Variants in FAM135A observed in about 807,000 individuals in gnomAD.
FAM135A encodes family with sequence similarity 135 member A.
Under a neutral mutation model 146.8 loss-of-function variants are expected in FAM135A, and 79 were observed. The observed-to-expected ratio is 0.54, with a 90% CI of 0.45 to 0.65. The LOEUF (loss-of-function observed/expected upper bound fraction) is 0.65, where lower values mean the gene tolerates loss of function less well. FAM135A is among the 30% of genes least tolerant of loss of function. FAM135A has a pLI of 0.00. For missense variants in FAM135A, 1,623 were observed against 1,758.2 expected, an observed-to-expected ratio of 0.92 and a Z score of 1.38; for synonymous variants, 562 against 603.6, an observed-to-expected ratio of 0.93 and a Z score of 1.01.
At chr6:70,460,703 TGA>T (rs1393326452) in intron 5 of FAM135A, among the ~76,000 whole-genome samples, 1 of 152,078 alleles carries the variant, frequency 6.6e-6, no homozygotes, top group Non-Finnish European at 1.5e-5. Flanking sequence ...AAACCATTTA[TGA>T]GATGGGAAAC....
rs1239635917 is a variant in FAM135A at position 70,524,489 on chromosome 6, T to C, written c.1405T>C (p.Tyr469His). 4 of 1,551,258 alleles carry C rather than the reference T, an allele frequency of 2.6e-6. No individual in the cohort carries two copies. The highest frequency in any genetic ancestry group is 3.5e-6 in the Non-Finnish European group (4 of 1,146,784). Residue 469 changes from tyrosine to histidine, a missense_variant, in exon 15 of 22, where the codon TAT (tyrosine) becomes CAT (histidine). Around this residue, in one of 7 missense-constraint regions of FAM135A, gnomAD observed 1,061 missense variants for 1,113.8 expected, o/e 0.95. Coordinates refer to ENST00000418814, the MANE Select transcript of FAM135A (RefSeq NM_001162529.3). ...ACCTGCTGGTGCCTCCAGTATTTGGTATACAGAAGGTGAAAAGCAGCTAAC... is the reference window on the plus strand; with the variant it reads ...ACCTGCTGGTGCCTCCAGTATTTGGCATACAGAAGGTGAAAAGCAGCTAAC... ...VRPAGASSIW[Y>H]TEGEKQLTKS...
chr6:70,558,918 C>T (rs1408002175), intron 21 of FAM135A, among the ~76,000 whole-genome samples: 1 of 152,178 alleles, frequency 6.6e-6, no homozygotes, highest in Non-Finnish European at 1.5e-5. Context: ...GCCAAGCTCA[C>T]GTTGTTCATC....
At chr6:70,519,886 A>G (rs937187557) in intron 12 of FAM135A, among the ~76,000 whole-genome samples, 18 of 149,740 alleles carry the variant, frequency 1.2e-4, no homozygotes, top group African/African-American at 4.5e-4. Context: ...TATACTAAAC[A>G]TACTTTAGTA....
At position 70,526,461 on chromosome 6, in the gene FAM135A, GACTT is replaced by G; in HGVS notation, c.3380_3383del (p.Leu1127GlnfsTer6). ...AGCAGAGATGAACTAATGGAAGAAAGACTTACAAAATCTGAAAAAATAAACAGTG... is the reference window on the plus strand; with the variant it reads ...AGCAGAGATGAACTAATGGAAGAAAGACAAAATCTGAAAAAATAAACAGTG... On this transcript the variant is annotated frameshift_variant, in exon 15 of 22. Transcript: ENST00000418814. LOFTEE classifies it high-confidence loss of function. The G allele has an allele frequency of 6.2e-7, 1 of 1,613,306 alleles. No individual in the cohort carries two copies. The highest frequency in any genetic ancestry group is 8.5e-7 in the Non-Finnish European group (1 of 1,179,574).
At chr6:70,455,381 TACACAC>T (rs34915267) in intron 5 of FAM135A, among the ~76,000 whole-genome samples, 2,220 of 146,074 alleles carry the variant, frequency 0.015, 29 homozygotes, top group African/African-American at 0.03. Flanking sequence ...TTATGACAAA[TACACAC>T]ACACACACAC....
At chr6:70,415,155 A>G (rs1767279925) in intron 1 of FAM135A, 136 bp from the exon 2 acceptor site, 1 of 152,094 alleles carries the variant, frequency 6.6e-6, no homozygotes, top group African/African-American at 2.4e-5. Context: ...CGGTTTTGTA[A>G]TTTTTTTCCT....
chr6:70,522,476 C>G (rs372803936), intron 12 of FAM135A, 37 bp from the exon 13 acceptor site: 1 of 1,577,404 alleles, frequency 6.3e-7, no homozygotes, highest in Admixed American at 1.7e-5. Context: ...TTTTTAAATA[C>G]GTCATGTTAT....
chr6:70,453,549 T>C (rs1472550900), intron 5 of FAM135A, among the ~76,000 whole-genome samples: 1 of 152,164 alleles, frequency 6.6e-6, no homozygotes, highest in South Asian at 2.1e-4. Context: ...TTTCTCCTAA[T>C]GCTATTCCTC....
Position 70,473,083 on chromosome 6 carries a change from C to T in FAM135A, c.158-2327C>T, listed in dbSNP as rs1414555771. On this transcript the variant is annotated intron_variant, in intron 5 of 21. Coordinates refer to ENST00000418814, the MANE Select transcript of FAM135A (RefSeq NM_001162529.3). ...ATGGACTTACAGATTTCTGTTTACT[C>T]AATGGATGTTAATCTATTACTGTCA... is the stretch of plus-strand genomic sequence containing the variant. 2.0e-5 allele frequency among the ~76,000 whole-genome samples: 3 copies of T among 152,154 alleles called. No homozygotes were observed. In the East Asian group the frequency reaches 5.8e-4, roughly 29 times the overall value.
At chr6:70,423,891 A>G (rs986857773) in intron 2 of FAM135A, among the ~76,000 whole-genome samples, 5 of 152,230 alleles carry the variant, frequency 3.3e-5, no homozygotes, top group African/African-American at 1.2e-4. Context: ...CTGCAAGTCC[A>G]GTGACCTATA....
intron 2 of FAM135A, among the ~76,000 whole-genome samples, chr6:70,417,340 A>T (rs1767788107): frequency 6.6e-6 from 1 of 151,800 alleles, no homozygotes; most frequent in Non-Finnish European, 1.5e-5. Flanking sequence ...CAGCCTCCCA[A>T]GTAGCTGGAA....
Position 70,455,711 on chromosome 6 carries a change from T to C in FAM135A, c.157+3140T>C, listed in dbSNP as rs1778215373. 2.0e-5 allele frequency among the ~76,000 whole-genome samples: 3 copies of C among 152,170 alleles called. No homozygotes were observed. The South Asian group carries it at 6.2e-4, about 32-fold the overall frequency. On this transcript the variant is annotated intron_variant, in intron 5 of 21. Coordinates refer to ENST00000418814, the MANE Select transcript of FAM135A (RefSeq NM_001162529.3). ...GAGAAAATCCTCAGATTTTAGTTGG[T>C]GAGATATCTTTCAAGATGGCAAGAT...
intron 4 of FAM135A, among the ~76,000 whole-genome samples, chr6:70,429,158 CA>C (rs1770888777): frequency 1.3e-5 from 2 of 152,122 alleles, no homozygotes; most frequent in Admixed American, 1.3e-4. Context: ...AAGAGAACAG[CA>C]TGATTCAGTA....
In FAM135A at chr6:70,481,981, TA is replaced by T. The variant is rs780390982; in HGVS notation, c.670-19del. The stretch of plus-strand genomic sequence containing the variant: ...TTTGTATTACTGACACTCTGTATCC[TA>T]CATCTGTTTTTTGTTTAGGGTTGTA... On this transcript the variant is annotated intron_variant, in intron 9 of 21. Coordinates refer to ENST00000418814, the MANE Select transcript of FAM135A (RefSeq NM_001162529.3). 1.2e-5 allele frequency: 20 copies of T among 1,606,880 alleles called. No individual in the cohort carries two copies. In the African/African-American group the frequency reaches 2.1e-4, roughly 17 times the overall value.
chr6:70,487,873 CT>C (rs2128206931), intron 10 of FAM135A, among the ~76,000 whole-genome samples: 2 of 152,188 alleles, frequency 1.3e-5, no homozygotes, highest in East Asian at 3.9e-4. Flanking sequence ...TGGGCCAGAT[CT>C]TGGTTGAGTA....
intron 12 of FAM135A, chr6:70,504,208 T>A (rs1326068883): frequency 6.6e-6 from 1 of 152,214 alleles, no homozygotes; most frequent in African/African-American, 2.4e-5. Flanking sequence ...TAATTTGCAT[T>A]TCTCTGATTA....
chr6:70,470,357 T>G (rs1407330293), intron 5 of FAM135A, among the ~76,000 whole-genome samples: 1 of 151,276 alleles, frequency 6.6e-6, no homozygotes, highest in African/African-American at 2.4e-5. Context: ...ATCCTACTAT[T>G]ACTTCTTTTT....
intron 2 of FAM135A, among the ~76,000 whole-genome samples, chr6:70,417,821 A>G (rs1171210083): frequency 6.6e-6 from 1 of 152,092 alleles, no homozygotes; most frequent in Non-Finnish European, 1.5e-5. Flanking sequence ...ACCCTTTACC[A>G]TCTCTTTTAT....
At chr6:70,430,042 A>C (rs1439109442) in intron 4 of FAM135A, among the ~76,000 whole-genome samples, 1 of 152,154 alleles carries the variant, frequency 6.6e-6, no homozygotes, top group East Asian at 1.9e-4. Context: ...AGAGTCTGAG[A>C]TAGAGAGCAG....
Sources: allele counts gnomAD v4.1 joint callset (sites outside exome capture counted in the v4.1 genomes callset), GRCh38; gene constraint gnomAD v4.1.1; regional missense constraint gnomAD v4.1.1; transcripts MANE v1.5; gene names NCBI Gene and HGNC (gene_info 2026-07-23, HGNC 2026-07-21).